The following AFTPH variants were observed in gnomAD, a reference collection of about 807,000 sequenced individuals.
AFTPH encodes aftiphilin, also known as aftiphilin protein.
In AFTPH, 7 loss-of-function variants were observed where a neutral mutation model predicts 72.5. The ratio of observed to expected loss-of-function variants is 0.10; its 90% CI spans 0.05 to 0.18. AFTPH has a LOEUF of 0.18. AFTPH is among the 10% of genes least tolerant of loss of function. The pLI is 1.00. For missense variants in AFTPH, 979 were observed against 1,060.5 expected (o/e 0.92, Z 1.07); for synonymous variants, 337 against 370.1 (o/e 0.91, Z 1.03).
chr2:64,553,269 C>G (rs757344981), exon 2 of AFTPH: 18 of 1,613,938 alleles, frequency 1.1e-5, no homozygotes, highest in Admixed American at 1.7e-5. Flanking sequence ...ATCTCATCAT[C>G]GAAAGGAAGC....
At chr2:64,582,314 G>A (rs1673255870) in intron 7 of AFTPH, among the ~76,000 whole-genome samples, 3 of 152,146 alleles carry the variant, frequency 2.0e-5, no homozygotes, top group African/African-American at 7.2e-5. Flanking sequence ...CTGTGGATGG[G>A]GGAGACTAAC....
At chr2:64,590,142 G>A (rs1296112919) in intron 8 of AFTPH, among the ~76,000 whole-genome samples, 1 of 152,056 alleles carries the variant, frequency 6.6e-6, no homozygotes, top group East Asian at 1.9e-4. Flanking sequence ...GAAGACTATT[G>A]TACCTGGCTG....
intron 8 of AFTPH, among the ~76,000 whole-genome samples, chr2:64,588,895 A>G (rs569244245): frequency 6.6e-6 from 1 of 152,066 alleles, no homozygotes; most frequent in Non-Finnish European, 1.5e-5. Context: ...ATTTGCCTAT[A>G]TTTTAATTGG....
chr2:64,582,259 G>C (rs1352294268), intron 7 of AFTPH, among the ~76,000 whole-genome samples: 2 of 152,178 alleles, frequency 1.3e-5, no homozygotes, highest in Admixed American at 1.3e-4. Flanking sequence ...TATTCCACTA[G>C]ATAGTGCTAC....
chr2:64,561,333 C>T (rs1308387803), intron 2 of AFTPH, among the ~76,000 whole-genome samples: 2 of 152,118 alleles, frequency 1.3e-5, no homozygotes, highest in African/African-American at 4.8e-5. Flanking sequence ...CAAGGGAAAA[C>T]CAAGGACTGT....
intron 1 of AFTPH, 103 bp from the exon 2 acceptor site, chr2:64,551,340 C>A: frequency 2.4e-6 from 2 of 845,152 alleles, no homozygotes; most frequent in Non-Finnish European, 3.6e-6. Context: ...CAAAATAGAG[C>A]ATTGTAAATT....
intron 6 of AFTPH, among the ~76,000 whole-genome samples, chr2:64,576,148 TG>T (rs1672783228): frequency 6.7e-6 from 1 of 148,730 alleles, no homozygotes; most frequent in Non-Finnish European, 1.5e-5. Flanking sequence ...TACGTGTGTG[TG>T]TGTGTGTATG....
chr2:64,576,884 G>GA (rs1284794119), intron 6 of AFTPH, among the ~76,000 whole-genome samples: 3 of 150,714 alleles, frequency 2.0e-5, no homozygotes, highest in African/African-American at 5.0e-5. Flanking sequence ...TCAGCCTCCT[G>GA]AGTAGCTGGG....
intron 1 of AFTPH, among the ~76,000 whole-genome samples, chr2:64,548,386 C>T (rs1441938575): frequency 1.8e-5 from 2 of 109,910 alleles, no homozygotes; most frequent in Non-Finnish European, 3.4e-5. Flanking sequence ...GGCGACAGAG[C>T]GAGACTCCGT....
chr2:64,589,805 TAGTAA>T (rs1235276057), intron 8 of AFTPH, among the ~76,000 whole-genome samples: 1 of 152,062 alleles, frequency 6.6e-6, no homozygotes, highest in East Asian at 1.9e-4. Flanking sequence ...ATTATAGAAG[TAGTAA>T]AGTATATTTT....
chr2:64,555,746 T>C (rs1455866550), intron 2 of AFTPH, among the ~76,000 whole-genome samples: 1 of 152,150 alleles, frequency 6.6e-6, no homozygotes, highest in South Asian at 2.1e-4. Context: ...AGTAGTGAAA[T>C]GGATAAACCC....
Position 64,586,802 on chromosome 2 carries a change from C to T in AFTPH, c.2579+1257C>T, listed in dbSNP as rs1415650935. Among the ~76,000 whole-genome samples the T allele has an allele frequency of 2.0e-5, 3 of 152,130 alleles. No homozygotes were observed. In the East Asian group the frequency reaches 5.8e-4, roughly 29 times the overall value. ...TGGCTTTTTTTAAATTTTTTTCTTT[C>T]CAAATAAATCACTTCTTCAAATCGA... On this transcript the variant is annotated intron_variant, in intron 8 of 8. Transcript: ENST00000238856.
At chr2:64,570,625 A>G (rs1436610847) in intron 5 of AFTPH, among the ~76,000 whole-genome samples, 2 of 152,158 alleles carry the variant, frequency 1.3e-5, no homozygotes, top group East Asian at 3.8e-4. Flanking sequence ...GGTAAATATA[A>G]TGCTGGACAT....
In AFTPH at chr2:64,541,182, CATA is replaced by C. The variant is rs1572954016; in HGVS notation, c.-32-10257_-32-10255del. On this transcript the variant is annotated intron_variant, in intron 1 of 8. Transcript: ENST00000238856. ...TGAGATAACTCACGAGTTCTCTTCA[CATA>C]ATATTGGCCCATAGTAAGCACTCAA... 3.3e-5 allele frequency among the ~76,000 whole-genome samples: 5 copies of C among 152,214 alleles called. No individual in the cohort carries two copies. The East Asian group carries it at 9.6e-4, about 29-fold the overall frequency.
intron 1 of AFTPH, among the ~76,000 whole-genome samples, chr2:64,542,603 A>T (rs1670320097): frequency 6.6e-6 from 1 of 152,136 alleles, no homozygotes; most frequent in Non-Finnish European, 1.5e-5. Context: ...CTTCAGATTT[A>T]GTTTGTTATC....
intron 7 of AFTPH, among the ~76,000 whole-genome samples, chr2:64,584,763 AT>A (rs1254241345): frequency 1.1e-4 from 17 of 151,746 alleles, no homozygotes; most frequent in Admixed American, 2.6e-4. Flanking sequence ...TGCCCGGCTA[AT>A]TTTTTGTATT....
rs1183926244 is a variant in AFTPH at position 64,551,680 on chromosome 2, A to G, written c.206A>G (p.His69Arg). 6 of 1,614,024 alleles carry G rather than the reference A, an allele frequency of 3.7e-6. No homozygotes were observed. Among genetic ancestry groups the G allele is most frequent in the Admixed American group, 1.7e-5 (1 of 60,020 alleles). ...CCTTCAAACCATTTTATGCCAATTCATGAATTCTCAGAAAATGTAGATAGC... is the reference window on the plus strand; with the variant it reads ...CCTTCAAACCATTTTATGCCAATTCGTGAATTCTCAGAAAATGTAGATAGC... Residue 69 changes from histidine to arginine, a missense_variant, in exon 2 of 9, where the codon CAT becomes CGT. Physicochemically the swap from His to Arg is conservative, Grantham distance 29. Around this residue, in one of 3 missense-constraint regions of AFTPH, gnomAD observed 498 missense variants for 467.6 expected, o/e 1.06. Coordinates refer to ENST00000238856, the Ensembl canonical transcript of AFTPH.
At chr2:64,552,776 TTTTGGTGAC>T (rs1379322795) in exon 2 of AFTPH, 1 of 1,614,194 alleles carries the variant, frequency 6.2e-7, no homozygotes, top group East Asian at 2.2e-5. Flanking sequence ...ATTTTGGTGA[TTTTGGTGAC>T]TTTGGCTCTG....
At chr2:64,546,390 C>G (rs1670621484) in intron 1 of AFTPH, among the ~76,000 whole-genome samples, 1 of 152,068 alleles carries the variant, frequency 6.6e-6, no homozygotes. Context: ...AAATTTGAGG[C>G]TTCAAGTAAA....
Sources: gnomAD v4.1 joint callset for allele counts (sites outside exome capture counted in the v4.1 genomes callset) on GRCh38, gnomAD v4.1.1 for gene constraint, gnomAD v4.1.1 regional missense constraint, MANE v1.5 for transcripts, NCBI Gene and HGNC (gene_info 2026-07-23, HGNC 2026-07-21) for gene names.